Variants in GAK observed in about 807,000 individuals in gnomAD.
The protein encoded by GAK is cyclin G associated kinase, also known as cyclin-G-associated kinase.
In GAK, 79 loss-of-function variants were observed where a neutral mutation model predicts 143.9. That is an observed-to-expected ratio of 0.55 (90% CI 0.46 to 0.66). The LOEUF (loss-of-function observed/expected upper bound fraction) is 0.66, where lower values mean the gene tolerates loss of function less well. Ranked by LOEUF, GAK falls within the 30% of genes least tolerant of loss-of-function variation. The pLI is 0.00. For synonymous variants in GAK, 881 were observed against 765.5 expected (o/e 1.15, Z -2.49); for missense variants, 1,693 against 1,779.7 (o/e 0.95, Z 0.88).
chr4:857,000 A>C (rs1749408135), intron 24 of GAK, among the ~76,000 whole-genome samples: 1 of 152,344 alleles, frequency 6.6e-6, no homozygotes, highest in Middle Eastern at 3.4e-3. Context: ...TGCCTTGTTG[A>C]TGTGACCACA....
At chr4:850,143 A>ACTTCCTCAG in intron 26 of GAK, 75 bp from the exon 27 acceptor site, 1 of 1,409,980 alleles carries the variant, frequency 7.1e-7, no homozygotes, top group Non-Finnish European at 9.6e-7. Context: ...AAACTGAGGC[A>ACTTCCTCAG]CGACGCTGAG....
At chr4:849,833 G>GGGGGGC in intron 27 of GAK, 59 bp from the exon 28 acceptor site, 2 of 1,190,144 alleles carry the variant, frequency 1.7e-6, no homozygotes, top group Non-Finnish European at 2.3e-6. Context: ...GGCGGGGCAG[G>GGGGGGC]ACCCCCCCCC....
chr4:865,937 G>A (rs2152741954), intron 22 of GAK, among the ~76,000 whole-genome samples: 1 of 152,382 alleles, frequency 6.6e-6, no homozygotes, highest in African/African-American at 2.4e-5. Context: ...TGGATACGGT[G>A]CCCCACGGCC....
chr4:901,172 C>A (rs943559516), intron 5 of GAK, among the ~76,000 whole-genome samples: 7 of 152,366 alleles, frequency 4.6e-5, no homozygotes, highest in Middle Eastern at 3.4e-3. Flanking sequence ...AGCCTTGGCC[C>A]TGGGTGGGCT....
intron 24 of GAK, among the ~76,000 whole-genome samples, chr4:858,484 C>G (rs548808243): frequency 1.3e-5 from 2 of 152,198 alleles, no homozygotes; most frequent in East Asian, 3.9e-4. Flanking sequence ...GGTCTCCTCC[C>G]GAGGGCACGG....
intron 1 of GAK, among the ~76,000 whole-genome samples, chr4:927,664 GTAGTCCGCACTGCCCCGCACCCCTCCC>G: frequency 9.4e-6 from 1 of 106,924 alleles, no homozygotes; most frequent in South Asian, 3.5e-4. Context: ...CCGCTCACCT[GTAGTCCGCACTGCCCCGCACCCCTCCC>G]CGCTCACCTG....
At chr4:925,769 C>G (rs1256851356) in intron 1 of GAK, among the ~76,000 whole-genome samples, 1 of 152,214 alleles carries the variant, frequency 6.6e-6, no homozygotes, top group Non-Finnish European at 1.5e-5. Context: ...GACACCAGAT[C>G]TGCCGGCGCC....
chr4:911,926 A>G (rs927907958), intron 3 of GAK, 139 bp from the exon 4 acceptor site: 2 of 645,430 alleles, frequency 3.1e-6, no homozygotes, highest in Non-Finnish European at 2.7e-6. Context: ...GTCAGAGCGG[A>G]AGATGAGGGA....
In GAK at chr4:876,931, AG is replaced by A. The variant is rs572605358; in HGVS notation, c.1974+158del. On this transcript the variant is annotated intron_variant, in intron 17 of 27. Transcript: ENST00000314167. ...GCCGCGTCAAGTGCACGGGGCAAGCAGGGGGCGCTGTGGGGCAGTCGCCACA... is the reference window on the plus strand; with the variant it reads ...GCCGCGTCAAGTGCACGGGGCAAGCAGGGGCGCTGTGGGGCAGTCGCCACA... Among the ~76,000 whole-genome samples, 325 of 152,348 alleles carry A rather than the reference AG, an allele frequency of 2.1e-3. 2 individuals are homozygous for A. The highest frequency in any genetic ancestry group is 4.6e-3 in the Admixed American group (70 of 15,314).
intron 21 of GAK, 92 bp downstream of exon 21, chr4:866,864 G>T: frequency 1.0e-6 from 1 of 1,004,064 alleles, no homozygotes. Context: ...CTTCCTGCAA[G>T]CACCTTCGAA....
chr4:868,519 G>A lies in GAK; in HGVS notation c.2395+20C>T. 6.3e-7 allele frequency: 1 copy of A among 1,598,252 alleles called. No homozygotes were observed. Among genetic ancestry groups the A allele is most frequent in the Non-Finnish European group, 8.5e-7 (1 of 1,177,124 alleles). On this transcript the variant is annotated intron_variant, in intron 20 of 27. Coordinates refer to ENST00000314167, the MANE Select transcript of GAK (RefSeq NM_005255.4). Reference sequence around the variant, plus strand: ...GGGGCCTGCCCTCTGCAAGTGGCCAGGTCCAGGGACGCTGCCTACCCTGCC... The same window carrying A: ...GGGGCCTGCCCTCTGCAAGTGGCCAAGTCCAGGGACGCTGCCTACCCTGCC...
At chr4:854,194 G>C (rs1323175249) in intron 24 of GAK, among the ~76,000 whole-genome samples, 3 of 151,638 alleles carry the variant, frequency 2.0e-5, no homozygotes, top group East Asian at 3.9e-4. Flanking sequence ...CAGGACAATA[G>C]TGGAGGGAAG....
chr4:877,990 T>C (rs1437322325), intron 15 of GAK, among the ~76,000 whole-genome samples, 181 bp from the exon 16 acceptor site: 1 of 152,200 alleles, frequency 6.6e-6, no homozygotes, highest in Non-Finnish European at 1.5e-5. Context: ...TGTGTGTGTA[T>C]ACATATATGT....
chr4:860,065 G>A (rs1749998993), intron 23 of GAK, among the ~76,000 whole-genome samples: 2 of 152,146 alleles, frequency 1.3e-5, no homozygotes, highest in African/African-American at 2.4e-5. Flanking sequence ...ATAAATTTGA[G>A]AATATCCTAA....
intron 2 of GAK, 79 bp from the exon 3 acceptor site, chr4:912,873 A>G: frequency 8.1e-7 from 1 of 1,239,480 alleles, no homozygotes; most frequent in Non-Finnish European, 1.2e-6. Context: ...TCTCAGACAT[A>G]AGCACGCAAC....
intron 1 of GAK, among the ~76,000 whole-genome samples, chr4:919,002 G>T (rs1723495338): frequency 1.1e-5 from 1 of 92,682 alleles, no homozygotes; most frequent in Non-Finnish European, 2.3e-5. Context: ...AAAGACAGAA[G>T]GCTCCAAAGG....
chr4:866,234 G>T, intron 22 of GAK, 130 bp downstream of exon 22: 1 of 898,028 alleles, frequency 1.1e-6, no homozygotes, highest in Non-Finnish European at 1.7e-6. Context: ...TGGGCCGCAA[G>T]GAGCGCACCC....
At position 861,119 on chromosome 4, in the gene GAK, C is replaced by T. The variant is rs369245963; in HGVS notation, c.3167-1397G>A. ...CGCTGTGGCTGCTCCACAGACCAGC[C>T]ACTCCCCGTCTCGCTCCTTCTCAAG... On this transcript the variant is annotated intron_variant, in intron 23 of 27. Transcript: ENST00000314167. Among the ~76,000 whole-genome samples, 330 of 152,256 alleles carry T rather than the reference C, an allele frequency of 2.2e-3. 17 individuals are homozygous for T. In the South Asian group the frequency reaches 0.059, roughly 27 times the overall value.
chr4:911,105 C>T (rs966104813), intron 4 of GAK, among the ~76,000 whole-genome samples: 4 of 152,170 alleles, frequency 2.6e-5, no homozygotes, highest in East Asian at 1.9e-4. Context: ...TCCTGACAAA[C>T]GGACCATGGA....
Sources: allele counts gnomAD v4.1 joint callset (sites outside exome capture counted in the v4.1 genomes callset), GRCh38; gene constraint gnomAD v4.1.1; transcripts MANE v1.5; gene names NCBI Gene and HGNC (gene_info 2026-07-23, HGNC 2026-07-21).